WSB1: variants seen among roughly 807,000 people sequenced by gnomAD.
WSB1 encodes the protein WD repeat and SOCS box-containing protein 1.
WSB1 carries 23 observed loss-of-function variants against 50.2 expected under a neutral mutation model. The ratio of observed to expected loss-of-function variants is 0.46; its 90% CI spans 0.33 to 0.65. The LOEUF is 0.65. Ranked by LOEUF, WSB1 falls within the 30% of genes least tolerant of loss-of-function variation. The pLI, the probability that WSB1 is intolerant of heterozygous loss-of-function variation, is 0.02. For synonymous variants in WSB1, 179 were observed against 172.0 expected (o/e 1.04, Z -0.32); for missense variants, 492 against 522.3 (o/e 0.94, Z 0.56).
intron 7 of WSB1, among the ~76,000 whole-genome samples, chr17:27,310,905 G>A (rs2017653329): frequency 6.6e-6 from 1 of 152,068 alleles, no homozygotes; most frequent in Non-Finnish European, 1.5e-5. Flanking sequence ...TAGTGCAGTG[G>A]TGCAATCACA....
intron 1 of WSB1, among the ~76,000 whole-genome samples, chr17:27,300,059 T>C (rs1196481048): frequency 2.0e-5 from 3 of 150,788 alleles, no homozygotes; most frequent in African/African-American, 7.3e-5. Context: ...AGCATAAATG[T>C]GTGCTTTCAT....
At chr17:27,301,015 G>A (rs1043612492) in intron 1 of WSB1, among the ~76,000 whole-genome samples, 1 of 151,984 alleles carries the variant, frequency 6.6e-6, no homozygotes, top group African/African-American at 2.4e-5. Flanking sequence ...GGGATTACAG[G>A]CGCCCACCAC....
rs867154115 is a variant in WSB1 at position 27,313,801 on chromosome 17, G to A, written c.*1432G>A. On this transcript the variant is annotated 3_prime_UTR_variant, in exon 9 of 9. Transcript: ENST00000262394. ...CATTCAGGGCTCCCCGAGTGCAGCA[G>A]CTCTTATGGTGGTTTTGTTTTTAGG... The A allele has an allele frequency of 6.6e-6, 1 of 152,212 alleles. No homozygotes were observed. The highest frequency in any genetic ancestry group is 2.1e-4 in the South Asian group (1 of 4,838). 9.4% of individuals were successfully genotyped at this position (152,212 alleles called of 1,614,324 possible).
chr17:27,304,397 C>G (rs568334174), intron 3 of WSB1, among the ~76,000 whole-genome samples: 2 of 151,916 alleles, frequency 1.3e-5, no homozygotes, highest in South Asian at 4.2e-4. Flanking sequence ...AGGGAAATAA[C>G]AAGCAAAGAA....
rs758418688 is a variant in WSB1, at chr17:27,314,699, A to G, written c.*2330A>G. 1 of 151,618 alleles carries G rather than the reference A, an allele frequency of 6.6e-6. No individual in the cohort carries two copies. Among genetic ancestry groups the G allele is most frequent in the Non-Finnish European group, 1.5e-5 (1 of 67,934 alleles). 9.4% of individuals were successfully genotyped at this position (151,618 alleles called of 1,614,324 possible). ...TATTTTTTTTGAGACGGAGTCTCAC[A>G]CTGTCACCTGGGCTGGAGTGCAGTG... On this transcript the variant is annotated 3_prime_UTR_variant, in exon 9 of 9. Transcript: ENST00000262394.
intron 3 of WSB1, among the ~76,000 whole-genome samples, chr17:27,304,257 A>G (rs1452406962): frequency 1.3e-5 from 2 of 152,166 alleles, no homozygotes; most frequent in Non-Finnish European, 2.9e-5. Flanking sequence ...CAAGATGAAC[A>G]CATAGATTGT....
At chr17:27,310,759 T>A (rs1187366076) in intron 7 of WSB1, among the ~76,000 whole-genome samples, 1 of 152,230 alleles carries the variant, frequency 6.6e-6, no homozygotes, top group Non-Finnish European at 1.5e-5. Context: ...GTTTCCTGTT[T>A]GCTCAGATAG....
intron 1 of WSB1, among the ~76,000 whole-genome samples, chr17:27,298,923 C>T (rs1252076538): frequency 6.6e-6 from 1 of 151,912 alleles, no homozygotes; most frequent in African/African-American, 2.4e-5. Flanking sequence ...AGTGTGGGGG[C>T]ATGTGCCCGT....
rs1429950267 is a variant in WSB1, at chr17:27,294,443, TTGGGACCG to T, written c.40+13_40+20del. The T allele has an allele frequency of 6.2e-7, 1 of 1,612,610 alleles. No individual in the cohort carries two copies. The highest frequency in any genetic ancestry group is 8.5e-7 in the Non-Finnish European group (1 of 1,179,232). On this transcript the variant is annotated intron_variant, in intron 1 of 8. Transcript: ENST00000262394. ...TCAACGAGAAAGAGATCGGTGAGGATTGGGACCGTGGGTGGGCGCATGAGGGCCGAGGA... is the reference window on the plus strand; with the variant it reads ...TCAACGAGAAAGAGATCGGTGAGGATTGGGTGGGCGCATGAGGGCCGAGGA...
chr17:27,306,879 A>C lies in WSB1; in HGVS notation c.708A>C (p.Lys236Asn). The change falls in exon 5 of 9, where the codon AAA becomes AAC. Residue 236 changes from lysine (K) to asparagine (N), a missense_variant. Coordinates refer to ENST00000262394, the MANE Select transcript of WSB1 (RefSeq NM_015626.10). ...TGCTGTGTTCAGTCGGAGCCAGTAA[A>C]GCAGTACGTGTCAAAGTTCTTGTAC... ...SSMLCSVGAS[K>N]AVFLWNMDKY... 1 of 1,614,106 alleles carries C rather than the reference A, an allele frequency of 6.2e-7. No homozygotes were observed. Among genetic ancestry groups the C allele is most frequent in the Non-Finnish European group, 8.5e-7 (1 of 1,179,982 alleles).
intron 6 of WSB1, among the ~76,000 whole-genome samples, chr17:27,309,506 A>G (rs2017583738): frequency 1.3e-5 from 2 of 152,224 alleles, no homozygotes. Context: ...CTATAGAAGT[A>G]CTAATTATGT....
intron 6 of WSB1, 41 bp from the exon 7 acceptor site, chr17:27,310,020 G>A: frequency 6.4e-7 from 1 of 1,559,670 alleles, no homozygotes; most frequent in Non-Finnish European, 8.8e-7. Flanking sequence ...TTGTTTTCTT[G>A]AAGTGACTGA....
In WSB1 at chr17:27,313,211, C is replaced by G. The variant is rs2017755791; in HGVS notation, c.*842C>G. On this transcript the variant is annotated 3_prime_UTR_variant, in exon 9 of 9. Transcript: ENST00000262394. ...TGAATGTGACGTTATTTAAAAACAA[C>G]AACAAAGAAGGCAGAGCCAGGATAT... The G allele has an allele frequency of 6.6e-6, 1 of 150,566 alleles. No individual in the cohort carries two copies. The highest frequency in any genetic ancestry group is 6.6e-5 in the Admixed American group (1 of 15,046). The allele number at this position is 150,566 out of a possible 1,614,324, so 9.3% of individuals were successfully genotyped here.
In WSB1 at chr17:27,294,433, T is replaced by A; in HGVS notation, c.38T>A (p.Ile13Asn). 1 of 1,613,298 alleles carries A rather than the reference T, an allele frequency of 6.2e-7. No homozygotes were observed. Among genetic ancestry groups the A allele is most frequent in the Admixed American group, 1.7e-5 (1 of 59,944 alleles). ...CCCCCGAGGGTCAACGAGAAAGAGATCGGTGAGGATTGGGACCGTGGGTGG... is the reference window on the plus strand; with the variant it reads ...CCCCCGAGGGTCAACGAGAAAGAGAACGGTGAGGATTGGGACCGTGGGTGG... ...SFPPRVNEKE[I>N]VRLRTIGELL... Residue 13 changes from isoleucine to asparagine, a missense_variant and splice_region_variant, in exon 1 of 9, where the codon ATC (isoleucine) becomes AAC (asparagine). Ile to Asn is a moderately radical substitution (Grantham distance 149, BLOSUM62 -3). Transcript: ENST00000262394.
Position 27,309,270 on chromosome 17 carries a change from TG to T in WSB1, c.884+1del. 6.2e-7 allele frequency: 1 copy of T among 1,603,152 alleles called. No individual in the cohort carries two copies. The highest frequency in any genetic ancestry group is 8.5e-7 in the Non-Finnish European group (1 of 1,173,542). On this transcript the variant is annotated frameshift_variant and splice_region_variant, in exon 6 of 9. Coordinates refer to ENST00000262394, the MANE Select transcript of WSB1 (RefSeq NM_015626.10). LOFTEE classifies it high-confidence loss of function. ...ATAATGGAGACATTCTGATGGAATT[TG>T]GGTGGGTACAGCATGAATTATTTTA... The part of the protein sequence containing the change: ...PHNGDILMEF[G>X]HLFPPPTPIF...
chr17:27,311,427 T>C, intron 7 of WSB1, 82 bp from the exon 8 acceptor site: 1 of 1,047,254 alleles, frequency 9.5e-7, no homozygotes, highest in South Asian at 1.6e-5. Flanking sequence ...CATAACTCAA[T>C]GGCATTTCTT....
rs796837355 is a variant in WSB1, at chr17:27,306,283, G to A, written c.611-499G>A. On this transcript the variant is annotated intron_variant, in intron 4 of 8. Coordinates refer to ENST00000262394, the MANE Select transcript of WSB1 (RefSeq NM_015626.10). ...GCTGGAGTGCAGCGGCGTGATCTCC[G>A]CTCACTGCAGCCTCTGCCTCCCAGG... Among the ~76,000 whole-genome samples, 32 of 125,870 alleles carry A rather than the reference G, an allele frequency of 2.5e-4. 1 individual carries two copies. The highest frequency in any genetic ancestry group is 5.7e-4 in the African/African-American group (19 of 33,172). The allele number at this position is 125,870 out of a possible 152,430, so 82.6% of individuals were successfully genotyped here. A position where few individuals can be genotyped will look rare whatever the true frequency, so the allele number is the denominator to read the frequency against.
At position 27,311,618 on chromosome 17, in the gene WSB1, T is replaced by C; in HGVS notation, c.1106+2T>C. 1 of 1,415,166 alleles carries C rather than the reference T, an allele frequency of 7.1e-7. No homozygotes were observed. The highest frequency in any genetic ancestry group is 9.7e-7 in the Non-Finnish European group (1 of 1,032,628). 87.7% of individuals were successfully genotyped at this position (1,415,166 alleles called of 1,614,324 possible). On this transcript the variant is annotated splice_donor_variant, in intron 8 of 8. Transcript: ENST00000262394. LOFTEE classifies it high-confidence loss of function. ...TGATGGCAGTGTTTTAGCTGCTGGG[T>C]AAATATATTTTTCTCTTTTTTTTTT...
chr17:27,303,065 T>G, intron 2 of WSB1: 1 of 234,476 alleles, frequency 4.3e-6, no homozygotes. Flanking sequence ...ATACTTGTGT[T>G]TTTAGGTTGA....
Sources: gnomAD v4.1 joint callset for allele counts (sites outside exome capture counted in the v4.1 genomes callset) on GRCh38, gnomAD v4.1.1 for gene constraint, MANE v1.5 for transcripts, NCBI Gene and HGNC (gene_info 2026-07-23, HGNC 2026-07-21) for gene names.